Variants in ADGRL3 observed in about 807,000 individuals in gnomAD.
ADGRL3 encodes the protein calcium-independent alpha-latrotoxin receptor 3.
A neutral mutation model predicts 153.5 loss-of-function variants in ADGRL3; 62 were observed. The ratio of observed to expected loss-of-function variants is 0.40; its 90% confidence interval spans 0.33 to 0.50. The LOEUF (loss-of-function observed/expected upper bound fraction) is 0.50, where lower values mean the gene tolerates loss of function less well. Among genes scored for constraint, ADGRL3 ranks in the 20% least tolerant of loss-of-function variants. The probability of loss-of-function intolerance (pLI) is 0.47; values close to 1 mark genes in which losing one functional copy is unlikely to be tolerated. For synonymous variants in ADGRL3, 710 were observed against 672.5 expected (o/e 1.06, Z -0.86); for missense variants, 1,641 against 1,859.4 (o/e 0.88, Z 2.16).
intron 21 of ADGRL3, among the ~76,000 whole-genome samples, chr4:62,024,956 A>G (rs1052096060): frequency 4.8e-4 from 73 of 151,726 alleles, no homozygotes; most frequent in African/African-American, 1.7e-3. Context: ...AAAATTCTGA[A>G]TGCCTTTTAT....
At chr4:61,645,661 A>G (rs2093941974) in intron 5 of ADGRL3, among the ~76,000 whole-genome samples, 1 of 152,088 alleles carries the variant, frequency 6.6e-6, no homozygotes, top group African/African-American at 2.4e-5. Context: ...ATCCACTGTT[A>G]GTCTGATGGG....
At chr4:61,931,616 A>G (rs1361107824) in intron 13 of ADGRL3, among the ~76,000 whole-genome samples, 1 of 152,146 alleles carries the variant, frequency 6.6e-6, no homozygotes, top group Non-Finnish European at 1.5e-5. Flanking sequence ...TTGTGTAAAC[A>G]TTTCCTTGCA....
chr4:61,930,193 AT>A (rs2098812086), intron 13 of ADGRL3, among the ~76,000 whole-genome samples: 1 of 151,082 alleles, frequency 6.6e-6, no homozygotes, highest in Non-Finnish European at 1.5e-5. Context: ...AAAAAAAAAA[AT>A]GCCATGGTGG....
intron 24 of ADGRL3, among the ~76,000 whole-genome samples, chr4:62,043,016 C>T (rs1729202676): frequency 6.6e-6 from 1 of 151,910 alleles, no homozygotes; most frequent in African/African-American, 2.4e-5. Flanking sequence ...CCTTTGTTCC[C>T]AAGACATCTA....
At chr4:61,598,227 G>A (rs1387092896) in intron 5 of ADGRL3, among the ~76,000 whole-genome samples, 1 of 152,060 alleles carries the variant, frequency 6.6e-6, no homozygotes, top group Non-Finnish European at 1.5e-5. Flanking sequence ...GCATAGAATT[G>A]GAAAAGCATA....
intron 1 of ADGRL3, among the ~76,000 whole-genome samples, chr4:61,208,932 C>T (rs1004226410): frequency 2.0e-5 from 3 of 151,866 alleles, no homozygotes; most frequent in African/African-American, 7.3e-5. Flanking sequence ...TGTGAGTGGT[C>T]GTATGTCTAG....
chr4:61,815,969 A>G lies in ADGRL3; in HGVS notation c.1480+2080A>G, dbSNP rs529663492. On this transcript the variant is annotated intron_variant, in intron 9 of 26. Coordinates refer to ENST00000683033, the MANE Select transcript of ADGRL3 (RefSeq NM_001387552.1). ...TACCCCATCACAAGTATTTTGTTAT[A>G]GCATCACAAACGGACTGAGATGGAT... Among the ~76,000 whole-genome samples the G allele has an allele frequency of 1.1e-4, 17 of 152,356 alleles. No homozygotes were observed. The South Asian group carries it at 2.5e-3, about 22-fold the overall frequency.
At chr4:61,263,803 A>G (rs1306055072) in intron 1 of ADGRL3, among the ~76,000 whole-genome samples, 2 of 152,042 alleles carry the variant, frequency 1.3e-5, no homozygotes, top group African/African-American at 4.8e-5. Context: ...CATACCATAA[A>G]GTAGAAGTGA....
intron 8 of ADGRL3, among the ~76,000 whole-genome samples, chr4:61,760,975 G>A (rs1399550783): frequency 6.6e-6 from 1 of 152,218 alleles, no homozygotes; most frequent in Admixed American, 6.5e-5. Flanking sequence ...TGAACCAGGA[G>A]TGCTAATTGG....
At position 61,209,132 on chromosome 4, in the gene ADGRL3, A is replaced by T. The variant is rs184147433; in HGVS notation, c.-240+7367A>T. On this transcript the variant is annotated intron_variant, in intron 1 of 26. Coordinates refer to ENST00000683033, the MANE Select transcript of ADGRL3 (RefSeq NM_001387552.1). ...TGACCCAGCCTATCACTATGAAATT[A>T]GTGCTATAGCACTTATTTCCTTCCA... 2.9e-3 allele frequency among the ~76,000 whole-genome samples: 438 copies of T among 152,308 alleles called. 5 individuals are homozygous for T. The highest frequency in any genetic ancestry group is 0.01 in the African/African-American group (421 of 41,576).
At chr4:61,205,165 G>A (rs1473141943) in intron 1 of ADGRL3, among the ~76,000 whole-genome samples, 1 of 152,158 alleles carries the variant, frequency 6.6e-6, no homozygotes, top group Non-Finnish European at 1.5e-5. Context: ...GAGGATTGAA[G>A]TTAGTCAAAT....
At chr4:61,583,262 CGG>C (rs1489599214) in intron 4 of ADGRL3, among the ~76,000 whole-genome samples, 2 of 152,116 alleles carry the variant, frequency 1.3e-5, no homozygotes, top group Admixed American at 1.3e-4. Flanking sequence ...GACTCTTGAT[CGG>C]TCACCTACTT....
Position 61,763,931 on chromosome 4 carries a change from C to T in ADGRL3, c.1399+30377C>T, listed in dbSNP as rs866760003. On this transcript the variant is annotated intron_variant, in intron 8 of 26. Coordinates refer to ENST00000683033, the MANE Select transcript of ADGRL3 (RefSeq NM_001387552.1). ...AAATCCAGTAGAATAAAAATGTATG[C>T]TCATATTATACATAATGCTAATAAC... is the stretch of plus-strand genomic sequence containing the variant. 3.9e-5 allele frequency among the ~76,000 whole-genome samples: 6 copies of T among 152,246 alleles called. No individual in the cohort carries two copies. The South Asian group carries it at 1.2e-3, about 32-fold the overall frequency.
intron 2 of ADGRL3, among the ~76,000 whole-genome samples, chr4:61,448,848 G>GAA (rs1389471664): frequency 1.1e-4 from 1 of 8,932 alleles, no homozygotes; most frequent in African/African-American, 1.8e-4. Context: ...GGGAAGGAAG[G>GAA]GAAGGAAGGG....
chr4:61,240,706 T>G (rs1328200282), intron 1 of ADGRL3, among the ~76,000 whole-genome samples: 2 of 152,130 alleles, frequency 1.3e-5, no homozygotes, highest in Admixed American at 6.6e-5. Context: ...TATACTCATG[T>G]GTTGCCAGCA....
intron 2 of ADGRL3, among the ~76,000 whole-genome samples, chr4:61,456,570 A>T (rs1459921441): frequency 6.7e-6 from 1 of 149,606 alleles, no homozygotes; most frequent in Non-Finnish European, 1.5e-5. Flanking sequence ...ACCAGGCTTT[A>T]TCCCATACTT....
intron 1 of ADGRL3, among the ~76,000 whole-genome samples, chr4:61,320,307 C>A (rs1241412953): frequency 6.6e-6 from 1 of 152,168 alleles, no homozygotes. Context: ...ACAACTCAAA[C>A]CAGTATTAAA....
At chr4:61,841,912 A>T (rs2098038506) in intron 9 of ADGRL3, among the ~76,000 whole-genome samples, 1 of 152,194 alleles carries the variant, frequency 6.6e-6, no homozygotes, top group Non-Finnish European at 1.5e-5. Context: ...GGATGGAGAT[A>T]AATGACCGAA....
At chr4:61,597,351 TA>T (rs962424544) in intron 5 of ADGRL3, among the ~76,000 whole-genome samples, 3 of 152,100 alleles carry the variant, frequency 2.0e-5, no homozygotes, top group Non-Finnish European at 4.4e-5. Context: ...AAAAGGTGAG[TA>T]GATGATAATT....
Sources: allele counts gnomAD v4.1 joint callset (sites outside exome capture counted in the v4.1 genomes callset), GRCh38; gene constraint gnomAD v4.1.1; transcripts MANE v1.5; gene names NCBI Gene and HGNC (gene_info 2026-07-23, HGNC 2026-07-21).